CFAP47: variants seen among roughly 807,000 people sequenced by gnomAD.
CFAP47 encodes the protein cilia- and flagella-associated protein 47.
Under a neutral mutation model 148.1 loss-of-function variants are expected in CFAP47, and 29 were observed. The ratio of observed to expected loss-of-function variants is 0.20; its 90% confidence interval spans 0.15 to 0.27. The LOEUF (loss-of-function observed/expected upper bound fraction) is 0.27. Among genes scored for constraint, CFAP47 ranks in the 10% least tolerant of loss-of-function variants. The pLI, the probability that CFAP47 is intolerant of heterozygous loss-of-function variation, is 1.00. For missense variants in CFAP47, 1,872 were observed against 1,697.5 expected (o/e 1.10, Z -1.81); for synonymous variants, 664 against 577.3 (o/e 1.15, Z -2.15).
At chrX:35,998,975 A>T (rs1173800845) in intron 19 of CFAP47, among the ~76,000 whole-genome samples, 1 of 111,485 alleles carries the variant, frequency 9.0e-6, no homozygotes, top group African/African-American at 3.3e-5. Context: ...GACATAGCTG[A>T]CTTTAAAAAA....
intron 27 of CFAP47, among the ~76,000 whole-genome samples, chrX:36,066,641 A>G (rs1373370245): frequency 2.7e-5 from 3 of 111,408 alleles, no homozygotes; most frequent in Non-Finnish European, 5.7e-5. Context: ...CCCTTTACCC[A>G]GGTACCTTCT....
chrX:36,359,125 A>G (rs1556018862), intron 60 of CFAP47, among the ~76,000 whole-genome samples: 2 of 112,503 alleles, frequency 1.8e-5, no homozygotes, highest in Non-Finnish European at 3.7e-5. Flanking sequence ...GAAAATATAA[A>G]TAACGATAAG....
chrX:35,957,207 C>CA lies in CFAP47; in HGVS notation c.1410+1032dup, dbSNP rs371147219. Among the ~76,000 whole-genome samples the CA allele has an allele frequency of 7.4e-3, 245 of 33,160 alleles. 1 individual carries two copies. The highest frequency in any genetic ancestry group is 0.02 in the Middle Eastern group (1 of 49). 28.8% of individuals were successfully genotyped at this position (33,160 alleles called of 115,157 possible). Reference sequence around the variant, plus strand: ...CTGGTGACAGAGTGAGACTCCATCTCAAAAAAAAAAAAAAAAAAAAAGACT... The same window carrying CA: ...CTGGTGACAGAGTGAGACTCCATCTCAAAAAAAAAAAAAAAAAAAAAAGACT... On this transcript the variant is annotated intron_variant, in intron 8 of 63. Transcript: ENST00000378653.
intron 49 of CFAP47, among the ~76,000 whole-genome samples, chrX:36,253,180 G>T (rs375069658): frequency 2.2e-4 from 25 of 111,842 alleles, no homozygotes; most frequent in African/African-American, 8.1e-4. Context: ...TAAATGCAGC[G>T]CAGGATACAT....
intron 46 of CFAP47, among the ~76,000 whole-genome samples, chrX:36,231,996 G>T (rs1333469740): frequency 9.0e-6 from 1 of 111,374 alleles, no homozygotes; most frequent in African/African-American, 3.3e-5. Context: ...TTTTTGATGT[G>T]CTGCTGGATT....
rs758963441 is a variant in CFAP47 at position 36,099,774 on chromosome X, G to C, written c.5022G>C (p.Val1674=). 2 of 864,985 alleles carry C rather than the reference G, an allele frequency of 2.3e-6. No individual in the cohort carries two copies. The highest frequency in any genetic ancestry group is 4.6e-5 in the Admixed American group (2 of 43,818). The allele number at this position is 864,985 out of a possible 1,213,427, so 71.3% of individuals were successfully genotyped here. Residue 1674 remains valine (V), a synonymous_variant, in exon 32 of 64, where the codon GTG becomes GTC. Coordinates refer to ENST00000378653, the MANE Select transcript of CFAP47 (RefSeq NM_001304548.2). ...AGTCTTCCACTAATACGATGCCTGT[G>C]AGTTCCTGTACACCTAAGAAAAAAT... The part of the protein sequence containing the change: ...EIMSSTNTMP[V]SSCTPKKKCS...
chrX:36,215,846 T>A (rs1470332564), intron 45 of CFAP47, among the ~76,000 whole-genome samples: 1 of 111,591 alleles, frequency 9.0e-6, no homozygotes, highest in Non-Finnish European at 1.9e-5. Context: ...CCTACCTCCA[T>A]TAACTAACCT....
At chrX:36,341,869 T>A (rs1432352341) in intron 57 of CFAP47, among the ~76,000 whole-genome samples, 2 of 110,557 alleles carry the variant, frequency 1.8e-5, no homozygotes, top group Non-Finnish European at 3.8e-5. Context: ...TAAAATAAAT[T>A]ATGTAAATTA....
intron 45 of CFAP47, among the ~76,000 whole-genome samples, chrX:36,218,627 A>G (rs2146893929): frequency 8.9e-6 from 1 of 111,935 alleles, no homozygotes; most frequent in Non-Finnish European, 1.9e-5. Flanking sequence ...TCTGTGAAAT[A>G]TTTAAAGAGG....
intron 1 of CFAP47, among the ~76,000 whole-genome samples, chrX:35,923,209 G>A (rs1351560812): frequency 9.0e-6 from 1 of 111,011 alleles, no homozygotes; most frequent in African/African-American, 3.3e-5. Context: ...ATATGTTTTT[G>A]AGTCTTCACT....
chrX:36,235,431 G>T (rs1390333707), intron 46 of CFAP47, among the ~76,000 whole-genome samples: 1 of 112,498 alleles, frequency 8.9e-6, no homozygotes, highest in African/African-American at 3.2e-5. Context: ...CCAGGTGGGG[G>T]ATATAATCTC....
chrX:35,956,305 G>C (rs1233745494), intron 8 of CFAP47, 109 bp downstream of exon 8: 1 of 600,060 alleles, frequency 1.7e-6, no homozygotes, highest in Non-Finnish European at 2.6e-6. Context: ...TTTATAAATT[G>C]TTTCTCTTCT....
intron 40 of CFAP47, among the ~76,000 whole-genome samples, chrX:36,186,394 T>C (rs782270862): frequency 4.9e-4 from 55 of 111,695 alleles, no homozygotes; most frequent in Non-Finnish European, 7.2e-4. Flanking sequence ...ATATTTCATT[T>C]TTACTTGCCT....
intron 30 of CFAP47, among the ~76,000 whole-genome samples, chrX:36,091,273 C>T (rs1010697297): frequency 9.0e-6 from 1 of 111,524 alleles, no homozygotes; most frequent in African/African-American, 3.3e-5. Flanking sequence ...CAAGAAGCTC[C>T]CATTTTAATG....
chrX:36,176,611 A>C (rs1050281260), intron 39 of CFAP47, among the ~76,000 whole-genome samples: 4 of 112,507 alleles, frequency 3.6e-5, no homozygotes, highest in Admixed American at 1.9e-4. Context: ...TTCAAAGTTT[A>C]ATAAATGGGT....
chrX:36,089,930 GCTTT>G (rs1163298530), intron 30 of CFAP47, among the ~76,000 whole-genome samples: 1 of 111,919 alleles, frequency 8.9e-6, no homozygotes, highest in Non-Finnish European at 1.9e-5. Context: ...ATGGCCTAAG[GCTTT>G]CACCTGCTTA....
At chrX:35,944,838 T>A (rs1479420229) in intron 3 of CFAP47, among the ~76,000 whole-genome samples, 2 of 112,105 alleles carry the variant, frequency 1.8e-5, no homozygotes, top group African/African-American at 3.2e-5. Context: ...TCATCGCAGC[T>A]GTAGCTGTGG....
At position 35,951,951 on chromosome X, in the gene CFAP47, G is replaced by T. The variant is rs1473194818; in HGVS notation, c.1034G>T (p.Cys345Phe). 2.6e-6 allele frequency: 3 copies of T among 1,157,003 alleles called. No homozygotes were observed. The African/African-American group carries it at 5.6e-5, about 21-fold the overall frequency. ...QPYQKTVITF[C>F]FTPKLMAVGK... Reference sequence around the variant, plus strand: ...TATCAAAAGACTGTAATTACATTTTGTTTCACCCCAAAGTAAGCAAAAATT... The same window carrying T: ...TATCAAAAGACTGTAATTACATTTTTTTTCACCCCAAAGTAAGCAAAAATT... The change falls in exon 6 of 64, where the codon TGT becomes TTT. Residue 345 changes from cysteine to phenylalanine, a missense_variant. Physicochemically the swap from Cys to Phe is radical, Grantham distance 205 (BLOSUM62 -2). Transcript: ENST00000378653.
At chrX:36,193,156 A>C (rs1377393496) in intron 42 of CFAP47, among the ~76,000 whole-genome samples, 1 of 111,751 alleles carries the variant, frequency 8.9e-6, no homozygotes, top group Non-Finnish European at 1.9e-5. Flanking sequence ...GGTGATGCAG[A>C]GATTAAGTTG....
Sources: gnomAD v4.1 joint callset for allele counts (sites outside exome capture counted in the v4.1 genomes callset) on GRCh38, gnomAD v4.1.1 for gene constraint, MANE v1.5 for transcripts, NCBI Gene and HGNC (gene_info 2026-07-23, HGNC 2026-07-21) for gene names.